AHR: variants seen among roughly 807,000 people sequenced by gnomAD.
AHR encodes the protein aryl hydrocarbon receptor.
In AHR, 40 loss-of-function variants were observed where a neutral mutation model predicts 86.8. The ratio of observed to expected loss-of-function variants is 0.46; its 90% CI spans 0.36 to 0.60. The LOEUF is 0.60. Ranked by LOEUF, AHR falls within the 20% of genes least tolerant of loss-of-function variation. AHR has a pLI of 0.00. For missense variants in AHR, 1,001 were observed against 1,011.6 expected (o/e 0.99, Z 0.14); for synonymous variants, 398 against 354.9 (o/e 1.12, Z -1.37).
intron 1 of AHR, among the ~76,000 whole-genome samples, chr7:17,306,359 G>A (rs1782005773): frequency 6.6e-6 from 1 of 152,054 alleles, no homozygotes; most frequent in African/African-American, 2.4e-5. Context: ...GTGAAAAAGT[G>A]GGTCAAATGC....
chr7:17,339,588 C>A lies in AHR; in HGVS notation c.1763C>A (p.Ser588Tyr). 1 of 1,614,138 alleles carries A rather than the reference C, an allele frequency of 6.2e-7. No homozygotes were observed. The highest frequency in any genetic ancestry group is 8.5e-7 in the Non-Finnish European group (1 of 1,180,028). Residue 588 changes from serine (S) to tyrosine (Y), a missense_variant, in exon 10 of 11, where the codon TCT (serine) becomes TAT (tyrosine). This residue lies in a region of AHR where 607 missense variants were observed against 543.1 expected (regional missense o/e 1.12). Coordinates refer to ENST00000242057, the MANE Select transcript of AHR (RefSeq NM_001621.5). ...TDEILTYVQD[S>Y]LSKSPFIPSD... ...GAAATCCTGACGTATGTCCAAGATT[C>A]TTTAAGTAAGTCTCCCTTCATACCT...
chr7:17,333,958 A>T lies in AHR; in HGVS notation c.752A>T (p.Lys251Met). 6.2e-7 allele frequency: 1 copy of T among 1,613,452 alleles called. No individual in the cohort carries two copies. The highest frequency in any genetic ancestry group is 1.1e-5 in the South Asian group (1 of 91,064). ...GKLKYLHGQK[K>M]KGKDGSILPP... is the part of the protein sequence containing the mutation. Reference sequence around the variant, plus strand: ...TTAAAGTATCTTCATGGACAGAAAAAGAAAGGGAAAGATGGATCAATACTT... The same window carrying T: ...TTAAAGTATCTTCATGGACAGAAAATGAAAGGGAAAGATGGATCAATACTT... Residue 251 changes from lysine to methionine, a missense_variant, in exon 7 of 11, where the codon AAG becomes ATG. Physicochemically the swap from Lys to Met is moderately conservative, Grantham distance 95. Transcript: ENST00000242057.
At position 17,330,001 on chromosome 7, in the gene AHR, G is replaced by A. The variant is rs779237163; in HGVS notation, c.500G>A (p.Arg167Gln). 2.5e-6 allele frequency: 4 copies of A among 1,610,658 alleles called. No homozygotes were observed. The South Asian group carries it at 3.3e-5, about 13-fold the overall frequency. ...SVYELIHTED[R>Q]AEFQRQLHWA... The stretch of plus-strand genomic sequence containing the variant: ...TATGAACTTATCCATACCGAAGACC[G>A]AGCTGAATTTCAGCGTCAGCTACAC... Residue 167 changes from arginine to glutamine, a missense_variant, in exon 5 of 11, where the codon CGA becomes CAA. Physicochemically the swap from Arg to Gln is conservative, Grantham distance 43. This residue lies in a region of AHR where 394 missense variants were observed against 468.5 expected (regional missense o/e 0.84). Coordinates refer to ENST00000242057, the MANE Select transcript of AHR (RefSeq NM_001621.5).
rs746496944 is a variant in AHR, at chr7:17,339,412, G to A, written c.1587G>A (p.Gly529=). The change falls in exon 10 of 11, where the codon GGG becomes GGA. Residue 529 remains glycine (G), a synonymous_variant. Coordinates refer to ENST00000242057, the MANE Select transcript of AHR (RefSeq NM_001621.5). The part of the protein sequence containing the change: ...DVNSFAGGHP[G]LFQDSKNSDL... ...ACTCATTTGCTGGAGGTCACCCAGG[G>A]CTCTTTCAAGATAGTAAAAACAGTG... 2 of 1,614,014 alleles carry A rather than the reference G, an allele frequency of 1.2e-6. No homozygotes were observed. The highest frequency in any genetic ancestry group is 2.2e-5 in the South Asian group (2 of 91,086).
At chr7:17,317,222 T>G (rs1186958565) in intron 2 of AHR, among the ~76,000 whole-genome samples, 1 of 151,188 alleles carries the variant, frequency 6.6e-6, no homozygotes, top group Non-Finnish European at 1.5e-5. Context: ...TATTTAGAGA[T>G]GGAAATTTGT....
At chr7:17,321,578 A>G (rs1353950130) in intron 2 of AHR, among the ~76,000 whole-genome samples, 1 of 119,402 alleles carries the variant, frequency 8.4e-6, no homozygotes, top group East Asian at 2.4e-4. Flanking sequence ...CTATAAATAC[A>G]TACATACCAC....
chr7:17,331,011 A>G (rs1782282911), intron 6 of AHR, 125 bp downstream of exon 6: 1 of 900,668 alleles, frequency 1.1e-6, no homozygotes, highest in Non-Finnish European at 1.6e-6. Context: ...CCTCAGAACC[A>G]GAGAGCTTCA....
At chr7:17,335,321 A>T (rs1782343585) in intron 8 of AHR, among the ~76,000 whole-genome samples, 1 of 152,122 alleles carries the variant, frequency 6.6e-6, no homozygotes. Context: ...ATTCTAGTTT[A>T]AAATTATAAA....
chr7:17,340,911 G>A (rs976973164), intron 10 of AHR, among the ~76,000 whole-genome samples: 20 of 151,636 alleles, frequency 1.3e-4, no homozygotes, highest in Admixed American at 1.3e-4. Context: ...GTGCATTTTT[G>A]TTGTTTAAAT....
At chr7:17,326,015 A>G (rs1166243041) in intron 3 of AHR, among the ~76,000 whole-genome samples, 3 of 152,208 alleles carry the variant, frequency 2.0e-5, no homozygotes, top group Non-Finnish European at 4.4e-5. Flanking sequence ...TAAAGGCAGC[A>G]TATCATGTTA....
intron 10 of AHR, among the ~76,000 whole-genome samples, chr7:17,340,650 C>T (rs1403272206): frequency 6.6e-6 from 1 of 152,076 alleles, no homozygotes; most frequent in Non-Finnish European, 1.5e-5. Flanking sequence ...TTCTTCAAAG[C>T]TCTATTTTTT....
intron 4 of AHR, among the ~76,000 whole-genome samples, chr7:17,329,379 A>G (rs537764495): frequency 1.3e-5 from 2 of 152,086 alleles, no homozygotes; most frequent in Admixed American, 6.6e-5. Context: ...CAGTTAAAAA[A>G]AAAGGAAAAC....
chr7:17,332,947 T>C (rs924477597), intron 6 of AHR, among the ~76,000 whole-genome samples: 7 of 151,952 alleles, frequency 4.6e-5, no homozygotes, highest in African/African-American at 1.4e-4. Flanking sequence ...AGGTATACCA[T>C]TTTTTGTCTT....
intron 1 of AHR, among the ~76,000 whole-genome samples, chr7:17,304,427 A>G (rs1434651866): frequency 2.0e-5 from 3 of 151,984 alleles, no homozygotes; most frequent in Non-Finnish European, 2.9e-5. Context: ...TTTCTTTTCT[A>G]CCATCTTCCT....
rs762813561 is a variant in AHR at position 17,322,517 on chromosome 7, C to T, written c.270C>T (p.Ser90=). 2.5e-6 allele frequency: 4 copies of T among 1,610,142 alleles called. No homozygotes were observed. Among genetic ancestry groups the T allele is most frequent in the Non-Finnish European group, 3.4e-6 (4 of 1,177,048 alleles). ...KSFFDVALKS[S]PTERNGGQDN... Reference sequence around the variant, plus strand: ...TTTCCATAGTTGCATTAAAATCCTCCCCTACTGAAAGAAACGGAGGCCAGG... The same window carrying T: ...TTTCCATAGTTGCATTAAAATCCTCTCCTACTGAAAGAAACGGAGGCCAGG... Residue 90 remains serine, a synonymous_variant, in exon 3 of 11, where the codon TCC becomes TCT. Transcript: ENST00000242057.
intron 2 of AHR, among the ~76,000 whole-genome samples, chr7:17,313,145 C>T (rs866040558): frequency 4.6e-5 from 7 of 151,230 alleles, no homozygotes; most frequent in Non-Finnish European, 8.8e-5. Flanking sequence ...TTTTTTTAAT[C>T]CCCAAATTTC....
chr7:17,342,365 G>A (rs1782435406), intron 10 of AHR, among the ~76,000 whole-genome samples: 3 of 152,104 alleles, frequency 2.0e-5, no homozygotes, highest in Non-Finnish European at 4.4e-5. Flanking sequence ...TATGCTTTCA[G>A]TAGTATTCAT....
rs565686726 is a variant in AHR, at chr7:17,307,510, G to A, written c.66-2426G>A. On this transcript the variant is annotated intron_variant, in intron 1 of 10. Transcript: ENST00000242057. ...GTTGTATGAAAGCACTAAACCACAT[G>A]TTGTAACTGTAAGTAATTTCTTAGC... Among the ~76,000 whole-genome samples, 10 of 152,252 alleles carry A rather than the reference G, an allele frequency of 6.6e-5. 1 individual carries two copies. The East Asian group carries it at 1.4e-3, about 21-fold the overall frequency.
intron 1 of AHR, among the ~76,000 whole-genome samples, chr7:17,307,372 T>A (rs1386317513): frequency 6.6e-6 from 1 of 152,122 alleles, no homozygotes; most frequent in Non-Finnish European, 1.5e-5. Flanking sequence ...GACATTTGTA[T>A]AAGAAGTCAA....
Sources: allele counts gnomAD v4.1 joint callset (sites outside exome capture counted in the v4.1 genomes callset), GRCh38; gene constraint gnomAD v4.1.1; regional missense constraint gnomAD v4.1.1; transcripts MANE v1.5; gene names NCBI Gene and HGNC (gene_info 2026-07-23, HGNC 2026-07-21).